The following CYFIP2 variants were observed in gnomAD, a reference collection of about 807,000 sequenced individuals.
CYFIP2 encodes cytoplasmic FMR1-interacting protein 2.
CYFIP2 carries 29 observed loss-of-function variants against 158.7 expected under a neutral mutation model. That is an observed-to-expected ratio of 0.18 (90% CI 0.14 to 0.25). CYFIP2 has a LOEUF of 0.25. Among genes scored for constraint, CYFIP2 ranks in the 10% least tolerant of loss-of-function variants. The pLI is 1.00. For missense variants in CYFIP2, 852 were observed against 1,639.5 expected, an observed-to-expected ratio of 0.52 and a Z score of 8.29; for synonymous variants, 585 against 617.6, an observed-to-expected ratio of 0.95 and a Z score of 0.78.
intron 3 of CYFIP2, among the ~76,000 whole-genome samples, chr5:157,289,741 G>A (rs1757674486): frequency 2.6e-5 from 4 of 152,084 alleles, no homozygotes; most frequent in Admixed American, 2.6e-4. Context: ...GGTCCTGTGG[G>A]GTTAGGGCTT....
At position 157,340,485 on chromosome 5, in the gene CYFIP2, C is replaced by T. The variant is rs183422230; in HGVS notation, c.2586-585C>T. 3.7e-4 allele frequency among the ~76,000 whole-genome samples: 56 copies of T among 152,294 alleles called. 1 individual carries two copies. The highest frequency in any genetic ancestry group is 3.7e-3 in the Admixed American group (56 of 15,304). ...TGACTGTTTTTGTAAAGCCCATGAGCTGAGAATAGTATTCACACTTTTGGG... is the reference window on the plus strand; with the variant it reads ...TGACTGTTTTTGTAAAGCCCATGAGTTGAGAATAGTATTCACACTTTTGGG... On this transcript the variant is annotated intron_variant, in intron 22 of 30. Coordinates refer to ENST00000620254, the MANE Select transcript of CYFIP2 (RefSeq NM_001037333.3).
At chr5:157,319,186 A>G (rs1217234379) in intron 13 of CYFIP2, among the ~76,000 whole-genome samples, 1 of 152,180 alleles carries the variant, frequency 6.6e-6, no homozygotes, top group Non-Finnish European at 1.5e-5. Context: ...CCAAACAGAT[A>G]AGTGAGTTAG....
Position 157,394,551 on chromosome 5 carries a change from G to C in CYFIP2, c.*1551G>C, listed in dbSNP as rs1047449594. On this transcript the variant is annotated 3_prime_UTR_variant, in exon 31 of 31. Coordinates refer to ENST00000620254, the MANE Select transcript of CYFIP2 (RefSeq NM_001037333.3). ...CCTGAGAGTAGCACATTTGAGTGCAGATTCCTGGGCCCCACCTCAAACCTA... is the reference window on the plus strand; with the variant it reads ...CCTGAGAGTAGCACATTTGAGTGCACATTCCTGGGCCCCACCTCAAACCTA... The C allele has an allele frequency of 9.2e-5, 14 of 152,202 alleles. No individual in the cohort carries two copies. The highest frequency in any genetic ancestry group is 3.1e-4 in the African/African-American group (13 of 41,450). The allele number at this position is 152,202 out of a possible 1,614,324, so 9.4% of individuals were successfully genotyped here. A position where few individuals can be genotyped will look rare whatever the true frequency, so the allele number is the denominator to read the frequency against.
intron 3 of CYFIP2, among the ~76,000 whole-genome samples, chr5:157,289,701 G>T (rs1316743449): frequency 1.3e-5 from 2 of 152,088 alleles, no homozygotes; most frequent in African/African-American, 4.8e-5. Flanking sequence ...CTCTTTAAAG[G>T]CCCCGTCTCC....
intron 1 of CYFIP2, among the ~76,000 whole-genome samples, chr5:157,279,545 G>T (rs1756828357): frequency 6.6e-6 from 1 of 152,132 alleles, no homozygotes; most frequent in East Asian, 1.9e-4. Context: ...AGTCATGTCT[G>T]CCTGGGGGGG....
chr5:157,300,759 C>A lies in CYFIP2; in HGVS notation c.432C>A (p.Cys144Ter). The A allele has an allele frequency of 6.2e-7, 1 of 1,611,782 alleles. No homozygotes were observed. The highest frequency in any genetic ancestry group is 8.5e-7 in the Non-Finnish European group (1 of 1,178,628). Residue 144 changes from cysteine to a stop codon, truncating the protein, a stop_gained, in exon 6 of 31, where the codon TGC (cysteine) becomes TGA (stop). Transcript: ENST00000620254. LOFTEE classifies it high-confidence loss of function. ...TCTGCAGCGAGGTGAAGCGGCTGTG[C>A]CATGCCGAGCGCAGGAAGGACTTTG... Reference protein sequence around the residue: ...ERFCSEVKRLCHAERRKDFVS... With the variant: ...ERFCSEVKRL
intron 7 of CYFIP2, among the ~76,000 whole-genome samples, chr5:157,303,610 CTT>C (rs1486522224): frequency 6.6e-6 from 1 of 152,174 alleles, no homozygotes; most frequent in African/African-American, 2.4e-5. Context: ...CCTTGCCACT[CTT>C]TGTTAACTGC....
In CYFIP2 at chr5:157,287,164, C is replaced by T. The variant is rs372917531; in HGVS notation, c.207+56C>T. ...TGCTCCCTGCTGGGCTGGCAGGGGC[C>T]GCGGGCAGCTTCTCACACCAGAGGC... On this transcript the variant is annotated intron_variant, in intron 3 of 30. Transcript: ENST00000620254. 46 of 1,456,688 alleles carry T rather than the reference C, an allele frequency of 3.2e-5. No homozygotes were observed. The African/African-American group carries it at 4.9e-4, about 15-fold the overall frequency. 90.2% of individuals were successfully genotyped at this position (1,456,688 alleles called of 1,614,324 possible).
At chr5:157,320,885 A>T in intron 15 of CYFIP2, 83 bp downstream of exon 15, 1 of 1,432,280 alleles carries the variant, frequency 7.0e-7, no homozygotes, top group Non-Finnish European at 9.2e-7. Flanking sequence ...GGCCATGGGC[A>T]GTGGGACTGG....
chr5:157,357,473 C>T (rs1387682889), intron 23 of CYFIP2, among the ~76,000 whole-genome samples: 2 of 152,100 alleles, frequency 1.3e-5, no homozygotes, highest in African/African-American at 4.8e-5. Flanking sequence ...TGTGGTCATC[C>T]CATAAATTGC....
intron 19 of CYFIP2, among the ~76,000 whole-genome samples, chr5:157,330,240 A>ATGTGTGTGTGTGTG (rs58447290): frequency 1.1e-4 from 16 of 144,320 alleles, no homozygotes; most frequent in Non-Finnish European, 1.5e-4. Context: ...GAGATTTAAA[A>ATGTGTGTGTGTGTG]TGTGTGTGTG....
chr5:157,372,322 G>A (rs987300570), intron 26 of CYFIP2, among the ~76,000 whole-genome samples: 1 of 150,620 alleles, frequency 6.6e-6, no homozygotes, highest in Admixed American at 6.6e-5. Context: ...GTGACTCAAT[G>A]TCTTCCATTT....
chr5:157,287,831 G>A (rs1025544778), intron 3 of CYFIP2, among the ~76,000 whole-genome samples: 6 of 152,302 alleles, frequency 3.9e-5, no homozygotes, highest in African/African-American at 1.4e-4. Context: ...GGTAGCTCAT[G>A]CCCATAACCC....
intron 11 of CYFIP2, among the ~76,000 whole-genome samples, chr5:157,314,049 C>A (rs1180219066): frequency 6.6e-6 from 1 of 152,090 alleles, no homozygotes. Context: ...CACAGTGAGA[C>A]CCTGTCTCTA....
At chr5:157,315,726 C>T (rs532534523) in intron 13 of CYFIP2, among the ~76,000 whole-genome samples, 1 of 152,126 alleles carries the variant, frequency 6.6e-6, no homozygotes, top group Non-Finnish European at 1.5e-5. Context: ...TATGAAACAA[C>T]TTAAATGTTC....
intron 22 of CYFIP2, among the ~76,000 whole-genome samples, chr5:157,339,797 A>G (rs1344670088): frequency 6.6e-6 from 1 of 152,212 alleles, no homozygotes. Context: ...AATAAGGCAA[A>G]AAGGCAGGAG....
chr5:157,331,583 C>T (rs1203204342), intron 20 of CYFIP2, among the ~76,000 whole-genome samples: 4 of 151,890 alleles, frequency 2.6e-5, no homozygotes, highest in African/African-American at 9.7e-5. Context: ...TGGACATTCC[C>T]ATTACTATGA....
rs3734028 is a variant in CYFIP2 at position 157,339,265 on chromosome 5, G to A, written c.2585+9G>A. On this transcript the variant is annotated intron_variant, in intron 22 of 30. Coordinates refer to ENST00000620254, the MANE Select transcript of CYFIP2 (RefSeq NM_001037333.3). The stretch of plus-strand genomic sequence containing the variant: ...AATGGGTCCACTAACCGGTAAGGGA[G>A]TCCCTGTGCAGAGGGGGCCGGGTGG... 0.39 allele frequency: 629,112 copies of A among 1,608,956 alleles called. 129,326 individuals carry two copies. Among genetic ancestry groups the A allele is most frequent in the African/African-American group, 0.72 (53,578 of 74,818 alleles).
At chr5:157,298,152 T>C (rs1414117016) in intron 5 of CYFIP2, among the ~76,000 whole-genome samples, 2 of 152,224 alleles carry the variant, frequency 1.3e-5, no homozygotes, top group Non-Finnish European at 2.9e-5. Flanking sequence ...TCTTGCTCTT[T>C]CTGGGTTACT....
Sources: allele counts gnomAD v4.1 joint callset (sites outside exome capture counted in the v4.1 genomes callset), GRCh38; gene constraint gnomAD v4.1.1; transcripts MANE v1.5; gene names NCBI Gene and HGNC (gene_info 2026-07-23, HGNC 2026-07-21).